NBAS: variants seen among roughly 807,000 people sequenced by gnomAD.
NBAS encodes NAG/BC035112 fusion.
A neutral mutation model predicts 302.5 loss-of-function variants in NBAS; 219 were observed. The observed-to-expected ratio is 0.72, with a 90% CI of 0.65 to 0.81. The LOEUF (loss-of-function observed/expected upper bound fraction) is 0.81, where lower values mean the gene tolerates loss of function less well. Among genes scored for constraint, NBAS ranks in the 30% least tolerant of loss-of-function variants. The pLI is 0.00. For missense variants in NBAS, 2,932 were observed against 2,841.6 expected (o/e 1.03, Z -0.72); for synonymous variants, 1,118 against 1,021.6 (o/e 1.09, Z -1.80).
chr2:15,292,915 G>A lies in NBAS; in HGVS notation c.4798-149C>T, dbSNP rs1670376576. ...ATAAGGCTCACAACGGCCCTGAAAAGTCAGTTGCAGAAGTGGCACTTTACC... is the reference window on the plus strand; with the variant it reads ...ATAAGGCTCACAACGGCCCTGAAAAATCAGTTGCAGAAGTGGCACTTTACC... On this transcript the variant is annotated intron_variant, in intron 40 of 51. Coordinates refer to ENST00000281513, the MANE Select transcript of NBAS (RefSeq NM_015909.4). 21 of 800,218 alleles carry A rather than the reference G, an allele frequency of 2.6e-5. No homozygotes were observed. In the South Asian group the frequency reaches 3.3e-4, roughly 13 times the overall value. 49.6% of individuals were successfully genotyped at this position (800,218 alleles called of 1,614,324 possible).
chr2:14,910,895 GA>G, the NBAS span, among the ~76,000 whole-genome samples: 1 of 152,210 alleles, frequency 6.6e-6, no homozygotes, highest in African/African-American at 2.4e-5. Flanking sequence ...TGAAGAATCA[GA>G]ATATCAAAAT....
the NBAS span, among the ~76,000 whole-genome samples, chr2:14,945,867 G>A: frequency 6.6e-6 from 1 of 152,194 alleles, no homozygotes; most frequent in Non-Finnish European, 1.5e-5. Flanking sequence ...GATCACTTGA[G>A]GCCAGGAGTT....
chr2:15,220,189 C>T (rs1328342751), intron 47 of NBAS, among the ~76,000 whole-genome samples: 57 of 144,072 alleles, frequency 4.0e-4, no homozygotes, highest in Admixed American at 2.5e-3. Context: ...CTGACCCCCC[C>T]ACCTCCCTCC....
the NBAS span, among the ~76,000 whole-genome samples, chr2:14,863,698 T>C: frequency 6.6e-6 from 1 of 152,244 alleles, no homozygotes; most frequent in Non-Finnish European, 1.5e-5. Flanking sequence ...CATTAGCTTA[T>C]GTAAACATTC....
chr2:14,810,370 T>A, the NBAS span, among the ~76,000 whole-genome samples: 370 of 152,280 alleles, frequency 2.4e-3, no homozygotes, highest in African/African-American at 8.1e-3. Flanking sequence ...GCTGTTCTTA[T>A]GATAGTGAAT....
chr2:14,806,217 CA>C, the NBAS span, among the ~76,000 whole-genome samples: 2 of 152,116 alleles, frequency 1.3e-5, no homozygotes, highest in East Asian at 3.9e-4. Context: ...GTCCAGGGAC[CA>C]TACTTTGAGA....
At chr2:15,057,603 A>G in the NBAS span, among the ~76,000 whole-genome samples, 1 of 152,094 alleles carries the variant, frequency 6.6e-6, no homozygotes, top group Admixed American at 6.5e-5. Flanking sequence ...CCAAGTCCCC[A>G]AAGTCCATTG....
chr2:14,929,694 T>G, the NBAS span, among the ~76,000 whole-genome samples: 2 of 152,042 alleles, frequency 1.3e-5, no homozygotes, highest in Non-Finnish European at 2.9e-5. Flanking sequence ...TAAATTTTTT[T>G]TTTTGGCCAG....
At chr2:15,091,147 C>T in the NBAS span, among the ~76,000 whole-genome samples, 3 of 152,180 alleles carry the variant, frequency 2.0e-5, no homozygotes, top group African/African-American at 7.2e-5. Flanking sequence ...CAAGTCCAGG[C>T]TGTCTGTCGG....
chr2:15,155,826 T>C, the NBAS span, among the ~76,000 whole-genome samples: 4 of 152,322 alleles, frequency 2.6e-5, no homozygotes, highest in Non-Finnish European at 4.4e-5. Context: ...CTTTCCACTG[T>C]GTAAGCATTC....
the NBAS span, among the ~76,000 whole-genome samples, chr2:14,956,393 A>T: frequency 6.6e-6 from 1 of 151,948 alleles, no homozygotes; most frequent in East Asian, 1.9e-4. Context: ...AGCCCTCCAA[A>T]CTGTTCCAAC....
chr2:15,505,361 TACAGGG>T (rs1661794648), intron 10 of NBAS, among the ~76,000 whole-genome samples: 1 of 152,166 alleles, frequency 6.6e-6, no homozygotes, highest in African/African-American at 2.4e-5. Context: ...AGACATGGCC[TACAGGG>T]AAGGGACCTA....
chr2:15,148,607 G>A, the NBAS span, among the ~76,000 whole-genome samples: 1 of 152,138 alleles, frequency 6.6e-6, no homozygotes, highest in African/African-American at 2.4e-5. Flanking sequence ...GAATGTGATA[G>A]GAGGTTTACG....
At chr2:15,342,551 G>T (rs538893859) in intron 35 of NBAS, among the ~76,000 whole-genome samples, 1 of 152,188 alleles carries the variant, frequency 6.6e-6, no homozygotes, top group East Asian at 1.9e-4. Context: ...CTGTACTTAG[G>T]AATATGGAAG....
chr2:15,060,030 G>C, the NBAS span, among the ~76,000 whole-genome samples: 1 of 150,166 alleles, frequency 6.7e-6, no homozygotes, highest in African/African-American at 2.4e-5. Context: ...GCAAGCAAAT[G>C]CCTCATCAAG....
chr2:15,330,792 G>A lies in NBAS; in HGVS notation c.4180-27C>T, dbSNP rs1672302823. Reference sequence around the variant, plus strand: ...TGTATTAAAGAAACAAAATAGCAAGGGCAAAAATGCATTACCATAAGAACA... The same window carrying A: ...TGTATTAAAGAAACAAAATAGCAAGAGCAAAAATGCATTACCATAAGAACA... On this transcript the variant is annotated intron_variant, in intron 35 of 51. Transcript: ENST00000281513. 3.7e-6 allele frequency: 6 copies of A among 1,609,344 alleles called. No individual in the cohort carries two copies. In the East Asian group the frequency reaches 1.1e-4, roughly 30 times the overall value.
At position 15,177,164 on chromosome 2, in the gene NBAS, C is replaced by A. The variant is rs72776606; in HGVS notation, c.6840+1824G>T. ...ATCTGAAGGGCACAGACGTTTCGTG[C>A]GCTATCATCACAACCACAGGCAAAC... On this transcript the variant is annotated intron_variant, in intron 51 of 51. Transcript: ENST00000281513. Among the ~76,000 whole-genome samples the A allele has an allele frequency of 6.3e-3, 955 of 152,264 alleles. 17 individuals are homozygous for A. The highest frequency in any genetic ancestry group is 6.8e-3 in the Non-Finnish European group (465 of 68,020).
the NBAS span, among the ~76,000 whole-genome samples, chr2:14,879,485 G>T: frequency 6.6e-6 from 1 of 151,952 alleles, no homozygotes; most frequent in Non-Finnish European, 1.5e-5. Flanking sequence ...GACATTAACC[G>T]TATATTTTTA....
intron 1 of NBAS, among the ~76,000 whole-genome samples, chr2:15,559,315 T>A (rs912346687): frequency 1.3e-5 from 2 of 152,142 alleles, no homozygotes; most frequent in Non-Finnish European, 2.9e-5. Context: ...TGGTCATATC[T>A]CCAAGGCCAA....
Sources: allele counts gnomAD v4.1 joint callset (sites outside exome capture counted in the v4.1 genomes callset), GRCh38; gene constraint gnomAD v4.1.1; transcripts MANE v1.5; gene names NCBI Gene and HGNC (gene_info 2026-07-23, HGNC 2026-07-21).